CD44: variants seen among roughly 807,000 people sequenced by gnomAD.
CD44 encodes the protein CD44 molecule (IN blood group).
CD44 carries 49 observed loss-of-function variants against 88.8 expected under a neutral mutation model. The ratio of observed to expected loss-of-function variants is 0.55; its 90% CI spans 0.44 to 0.70. The LOEUF is 0.70. Among genes scored for constraint, CD44 ranks in the 30% least tolerant of loss-of-function variants. The pLI is 0.00. For synonymous variants in CD44, 325 were observed against 312.3 expected, an observed-to-expected ratio of 1.04 and a Z score of -0.43; for missense variants, 883 against 913.8, an observed-to-expected ratio of 0.97 and a Z score of 0.43.
At chr11:35,196,903 A>G in intron 6 of CD44, 29 bp downstream of exon 6, 2 of 1,606,260 alleles carry the variant, frequency 1.2e-6, no homozygotes, top group Admixed American at 1.7e-5. Context: ...CTCATAGCGT[A>G]TGTTTTCTTG....
At chr11:35,162,410 G>T (rs1015372229) in intron 1 of CD44, among the ~76,000 whole-genome samples, 1 of 152,180 alleles carries the variant, frequency 6.6e-6, no homozygotes, top group Non-Finnish European at 1.5e-5. Context: ...AGGGTCATTT[G>T]TAATGTCCTT....
chr11:35,157,330 T>C (rs542731039), intron 1 of CD44, among the ~76,000 whole-genome samples: 22 of 141,034 alleles, frequency 1.6e-4, no homozygotes, highest in African/African-American at 6.3e-4. Context: ...TGTCTATCTA[T>C]CTATCTATCT....
At chr11:35,211,960 G>A (rs1948435700) in intron 14 of CD44, among the ~76,000 whole-genome samples, 1 of 151,832 alleles carries the variant, frequency 6.6e-6, no homozygotes, top group South Asian at 2.1e-4. Flanking sequence ...TTTACTTTTG[G>A]TGATGGATAA....
chr11:35,184,268 G>A (rs908038607), intron 3 of CD44, among the ~76,000 whole-genome samples: 1 of 152,144 alleles, frequency 6.6e-6, no homozygotes, highest in African/African-American at 2.4e-5. Context: ...AGCATGAAGG[G>A]GGTCCATGTG....
chr11:35,198,792 C>T (rs1290642492), intron 7 of CD44, among the ~76,000 whole-genome samples: 1 of 152,038 alleles, frequency 6.6e-6, no homozygotes, highest in Non-Finnish European at 1.5e-5. Flanking sequence ...TCCTGGCTAA[C>T]ACAGTGAAAC....
At chr11:35,211,194 T>TG in intron 13 of CD44, 52 bp from the exon 14 acceptor site, 1 of 1,364,648 alleles carries the variant, frequency 7.3e-7, no homozygotes, top group Non-Finnish European at 1.0e-6. Context: ...AAGCACATGG[T>TG]GGGTGGTGAT....
chr11:35,204,754 T>C, intron 10 of CD44, 114 bp downstream of exon 10: 1 of 963,654 alleles, frequency 1.0e-6, no homozygotes. Context: ...AGATGTTAGG[T>C]TACTTAATAA....
At chr11:35,182,685 G>C (rs1033294254) in intron 3 of CD44, among the ~76,000 whole-genome samples, 1 of 152,206 alleles carries the variant, frequency 6.6e-6, no homozygotes, top group African/African-American at 2.4e-5. Context: ...AGGTCAGAGG[G>C]AGACATTGGG....
At chr11:35,195,900 G>A (rs1946693359) in intron 5 of CD44, among the ~76,000 whole-genome samples, 1 of 152,128 alleles carries the variant, frequency 6.6e-6, no homozygotes, top group African/African-American at 2.4e-5. Flanking sequence ...GGGCAAGGTT[G>A]TGAGAGGATT....
intron 7 of CD44, among the ~76,000 whole-genome samples, chr11:35,199,963 AT>A (rs1591219277): frequency 2.0e-5 from 1 of 49,366 alleles, no homozygotes; most frequent in Non-Finnish European, 4.3e-5. Context: ...TTTTTTTTTA[AT>A]TTTTTAAATC....
intron 1 of CD44, among the ~76,000 whole-genome samples, chr11:35,175,036 C>T (rs1944308608): frequency 1.3e-5 from 2 of 151,978 alleles, no homozygotes; most frequent in Non-Finnish European, 2.9e-5. Context: ...TAGGGAAGCA[C>T]TCTAAAGTGA....
chr11:35,206,340 A>T (rs981726929), intron 11 of CD44, 97 bp downstream of exon 11: 6 of 1,278,014 alleles, frequency 4.7e-6, no homozygotes, highest in Non-Finnish European at 6.4e-6. Context: ...TTTTAGACCA[A>T]ACTACTTTCC....
intron 12 of CD44, among the ~76,000 whole-genome samples, chr11:35,208,468 C>T (rs1246876663): frequency 6.6e-6 from 1 of 152,188 alleles, no homozygotes; most frequent in African/African-American, 2.4e-5. Context: ...CATTTTCATT[C>T]TCTAAGTAGT....
chr11:35,196,748 T>G lies in CD44; in HGVS notation c.670T>G (p.Leu224Val). The G allele has an allele frequency of 6.2e-7, 1 of 1,613,710 alleles. No individual in the cohort carries two copies. The highest frequency in any genetic ancestry group is 8.5e-7 in the Non-Finnish European group (1 of 1,179,728). The change falls in exon 6 of 18, where the codon TTG becomes GTG. Residue 224 changes from leucine to valine, a missense_variant and splice_region_variant. This residue lies in a region of CD44 where 252 missense variants were observed against 322.9 expected (regional missense o/e 0.78). Coordinates refer to ENST00000428726, the MANE Select transcript of CD44 (RefSeq NM_000610.4). ...CAATTCAATCATGATTACAACAGCTTTGATGAGCACTAGTGCTACAGCAAC... is the reference window on the plus strand; with the variant it reads ...CAATTCAATCATGATTACAACAGCTGTGATGAGCACTAGTGCTACAGCAAC... ...DSTDRIPATTLMSTSATATET... is the reference protein window; with the variant it reads ...DSTDRIPATTVMSTSATATET...
At chr11:35,159,710 C>T (rs1401173439) in intron 1 of CD44, among the ~76,000 whole-genome samples, 5 of 152,218 alleles carry the variant, frequency 3.3e-5, no homozygotes, top group Non-Finnish European at 7.3e-5. Flanking sequence ...TGAATTTCAT[C>T]AGAGCCAGTT....
At chr11:35,200,766 C>T (rs1947236784) in intron 7 of CD44, 3 of 294,276 alleles carry the variant, frequency 1.0e-5, no homozygotes, top group African/African-American at 4.3e-5. Flanking sequence ...TTTGGTTATC[C>T]TCGGTGGAGG....
chr11:35,181,986 T>C (rs1269668268), intron 3 of CD44, among the ~76,000 whole-genome samples: 5 of 114,722 alleles, frequency 4.4e-5, no homozygotes, highest in South Asian at 4.5e-4. Flanking sequence ...ATATATTATA[T>C]ATAAATTTAT....
chr11:35,185,509 CT>C (rs569580798), intron 3 of CD44, among the ~76,000 whole-genome samples: 1 of 152,290 alleles, frequency 6.6e-6, no homozygotes, highest in South Asian at 2.1e-4. Context: ...TAGCAGGACA[CT>C]TAAAATACTT....
At chr11:35,221,474 A>C (rs141874147) in intron 16 of CD44, among the ~76,000 whole-genome samples, 180 bp from the exon 17 acceptor site, 43 of 152,350 alleles carry the variant, frequency 2.8e-4, no homozygotes, top group African/African-American at 1.0e-3. Flanking sequence ...CTGTTGGACA[A>C]ATACCTTCAG....
Sources: allele counts gnomAD v4.1 joint callset (sites outside exome capture counted in the v4.1 genomes callset), GRCh38; gene constraint gnomAD v4.1.1; regional missense constraint gnomAD v4.1.1; transcripts MANE v1.5; gene names NCBI Gene and HGNC (gene_info 2026-07-23, HGNC 2026-07-21).